Variants in GRM8 observed in about 807,000 individuals in gnomAD.
The protein encoded by GRM8 is glutamate metabotropic receptor 8, also known as metabotropic glutamate receptor 8.
A neutral mutation model predicts 87.2 loss-of-function variants in GRM8; 47 were observed. That is an observed-to-expected ratio of 0.54 (90% CI 0.43 to 0.69). The LOEUF is 0.69. Ranked by LOEUF, GRM8 falls within the 30% of genes least tolerant of loss-of-function variation. GRM8 has a pLI of 0.00. For synonymous variants in GRM8, 396 were observed against 404.5 expected (o/e 0.98, Z 0.25); for missense variants, 1,019 against 1,139.2 (o/e 0.89, Z 1.52).
intron 3 of GRM8, among the ~76,000 whole-genome samples, chr7:126,976,613 A>C (rs17869315): frequency 0.017 from 2,576 of 152,296 alleles, 67 homozygotes; most frequent in African/African-American, 0.058. Flanking sequence ...ACAACAACAA[A>C]AAAAACGAAA....
intron 9 of GRM8, among the ~76,000 whole-genome samples, chr7:126,454,153 T>C (rs1489069956): frequency 6.6e-6 from 1 of 151,802 alleles, no homozygotes; most frequent in Non-Finnish European, 1.5e-5. Flanking sequence ...AACAATTGTT[T>C]CAGGAACAAA....
At chr7:127,130,064 C>T (rs920742879) in intron 2 of GRM8, among the ~76,000 whole-genome samples, 1 of 152,110 alleles carries the variant, frequency 6.6e-6, no homozygotes, top group African/African-American at 2.4e-5. Flanking sequence ...TTAAAAGTGG[C>T]AGGTTCCCCT....
intron 3 of GRM8, among the ~76,000 whole-genome samples, chr7:127,067,007 G>A (rs772047156): frequency 6.6e-6 from 1 of 152,194 alleles, no homozygotes; most frequent in Admixed American, 6.5e-5. Flanking sequence ...TTAAGTGGCA[G>A]AGCTGAGATT....
intron 2 of GRM8, among the ~76,000 whole-genome samples, chr7:127,214,787 T>A (rs1323601263): frequency 6.6e-6 from 1 of 152,144 alleles, no homozygotes; most frequent in East Asian, 1.9e-4. Flanking sequence ...GGACACAGAG[T>A]CAAACCATAT....
chr7:127,017,284 T>C (rs991123489), intron 3 of GRM8, among the ~76,000 whole-genome samples: 1 of 152,052 alleles, frequency 6.6e-6, no homozygotes, highest in African/African-American at 2.4e-5. Context: ...CTAAATTGAT[T>C]ATTCCATGAG....
intron 2 of GRM8, among the ~76,000 whole-genome samples, chr7:127,128,896 GCCCAGCAA>G (rs1184251889): frequency 1.3e-5 from 2 of 152,082 alleles, no homozygotes; most frequent in Middle Eastern, 3.2e-3. Context: ...ACAGCAGAAG[GCCCAGCAA>G]ACAACTGAAC....
chr7:126,565,766 C>T lies in GRM8; in HGVS notation c.1495-31879G>A, dbSNP rs1182338721. 2.0e-5 allele frequency among the ~76,000 whole-genome samples: 3 copies of T among 152,082 alleles called. No individual in the cohort carries two copies. The East Asian group carries it at 5.8e-4, about 29-fold the overall frequency. On this transcript the variant is annotated intron_variant, in intron 8 of 10. Coordinates refer to ENST00000339582, the MANE Select transcript of GRM8 (RefSeq NM_000845.3). ...AAGAAGAACACAGCAGGAGGCATCT[C>T]CCTTCCTGATTTCAAAATATATTAC...
At chr7:126,653,428 G>C (rs1012281656) in intron 7 of GRM8, among the ~76,000 whole-genome samples, 4 of 151,744 alleles carry the variant, frequency 2.6e-5, no homozygotes, top group South Asian at 4.2e-4. Flanking sequence ...TTGTTAATAA[G>C]AAGATAAAAC....
intron 6 of GRM8, among the ~76,000 whole-genome samples, chr7:126,886,784 T>C (rs1800542309): frequency 6.6e-6 from 1 of 152,142 alleles, no homozygotes; most frequent in South Asian, 2.1e-4. Context: ...ACTCAAGAAA[T>C]ACCCTCAATT....
chr7:126,677,249 T>C (rs565925028), intron 7 of GRM8, among the ~76,000 whole-genome samples: 18 of 151,934 alleles, frequency 1.2e-4, no homozygotes, highest in East Asian at 3.9e-4. Flanking sequence ...ACACCGGAGA[T>C]TGGAATATAA....
At chr7:126,816,917 G>A (rs142643908) in intron 6 of GRM8, among the ~76,000 whole-genome samples, 8 of 151,766 alleles carry the variant, frequency 5.3e-5, no homozygotes, top group African/African-American at 1.9e-4. Flanking sequence ...ATTATATTTT[G>A]TTTGAAGAAA....
At chr7:127,049,243 AG>A (rs916630205) in intron 3 of GRM8, among the ~76,000 whole-genome samples, 1 of 152,162 alleles carries the variant, frequency 6.6e-6, no homozygotes, top group African/African-American at 2.4e-5. Flanking sequence ...ACACACACAG[AG>A]GAGCAACATT....
chr7:126,801,688 G>A (rs1490733996), intron 6 of GRM8, among the ~76,000 whole-genome samples: 1 of 152,048 alleles, frequency 6.6e-6, no homozygotes, highest in East Asian at 1.9e-4. Flanking sequence ...AATGCAGAGG[G>A]GAGGGAGAGG....
chr7:127,118,743 T>C (rs2237792), intron 2 of GRM8, among the ~76,000 whole-genome samples: 59,259 of 152,006 alleles, frequency 0.39, 13,749 homozygotes, highest in African/African-American at 0.65. Context: ...ACTCCTCTAC[T>C]CTCCGCTACT....
At chr7:126,728,925 G>A (rs1003616284) in intron 7 of GRM8, among the ~76,000 whole-genome samples, 21 of 152,110 alleles carry the variant, frequency 1.4e-4, no homozygotes, top group African/African-American at 4.3e-4. Flanking sequence ...TGAGATAATC[G>A]CTAGCCTCAC....
intron 7 of GRM8, among the ~76,000 whole-genome samples, chr7:126,746,811 G>A (rs1419508): frequency 0.44 from 66,506 of 151,106 alleles, 15,158 homozygotes; most frequent in Non-Finnish European, 0.48. Context: ...TCAATAAAGC[G>A]CGAAATGTCT....
chr7:126,765,003 C>T (rs1041312042), intron 7 of GRM8, among the ~76,000 whole-genome samples: 5 of 151,994 alleles, frequency 3.3e-5, no homozygotes, highest in African/African-American at 1.2e-4. Flanking sequence ...AGGGAGTGGT[C>T]TGTGACAACC....
At chr7:126,658,013 C>T (rs187260228) in intron 7 of GRM8, among the ~76,000 whole-genome samples, 26 of 152,324 alleles carry the variant, frequency 1.7e-4, no homozygotes, top group African/African-American at 6.3e-4. Context: ...CAGCCTGCAG[C>T]TGATGATGTG....
chr7:127,224,890 C>A (rs1018410836), intron 2 of GRM8, among the ~76,000 whole-genome samples: 2 of 152,132 alleles, frequency 1.3e-5, no homozygotes, highest in Non-Finnish European at 2.9e-5. Context: ...GCTGGGATTG[C>A]AGGTGTGAGC....
Sources: gnomAD v4.1 joint callset for allele counts (sites outside exome capture counted in the v4.1 genomes callset) on GRCh38, gnomAD v4.1.1 for gene constraint, MANE v1.5 for transcripts, NCBI Gene and HGNC (gene_info 2026-07-23, HGNC 2026-07-21) for gene names.